Variants in RBPMS observed in about 807,000 individuals in gnomAD.
The protein encoded by RBPMS is RNA-binding protein with multiple splicing.
A neutral mutation model predicts 26.8 loss-of-function variants in RBPMS; 7 were observed. That is an observed-to-expected ratio of 0.26 (90% CI 0.15 to 0.49). The LOEUF (loss-of-function observed/expected upper bound fraction) is 0.49. RBPMS is among the 20% of genes least tolerant of loss of function. The pLI is 0.98. For synonymous variants in RBPMS, 96 were observed against 93.3 expected, an observed-to-expected ratio of 1.03 and a Z score of -0.17; for missense variants, 186 against 250.0, an observed-to-expected ratio of 0.74 and a Z score of 1.73.
intron 5 of RBPMS, among the ~76,000 whole-genome samples, chr8:30,511,271 GC>G (rs1389395944): frequency 1.3e-5 from 2 of 150,894 alleles, no homozygotes; most frequent in African/African-American, 4.9e-5. Flanking sequence ...CTGAGATCGT[GC>G]CACTGCACCC....
At chr8:30,556,128 G>A in intron 6 of RBPMS, 2 of 985,356 alleles carry the variant, frequency 2.0e-6, no homozygotes, top group South Asian at 4.7e-5. Context: ...CAAGCACATA[G>A]TGTCCTAGCC....
chr8:30,549,048 G>A (rs555373415), intron 6 of RBPMS, among the ~76,000 whole-genome samples: 5 of 152,192 alleles, frequency 3.3e-5, no homozygotes, highest in Non-Finnish European at 7.4e-5. Context: ...CCCTCCAGGC[G>A]CATGGGAGGC....
intron 8 of RBPMS, among the ~76,000 whole-genome samples, chr8:30,567,302 G>A (rs1363382100): frequency 6.6e-6 from 1 of 152,240 alleles, no homozygotes; most frequent in Non-Finnish European, 1.5e-5. Context: ...CCCAGGAGCA[G>A]GCATCAGGTG....
chr8:30,483,999 G>A (rs1188435247), intron 4 of RBPMS, among the ~76,000 whole-genome samples: 5 of 152,096 alleles, frequency 3.3e-5, no homozygotes, highest in African/African-American at 7.2e-5. Flanking sequence ...ATTTGTTGGT[G>A]GACACTTAGA....
At chr8:30,409,672 T>C (rs1809065235) in intron 1 of RBPMS, among the ~76,000 whole-genome samples, 1 of 152,114 alleles carries the variant, frequency 6.6e-6, no homozygotes, top group Non-Finnish European at 1.5e-5. Context: ...CTCGCTCTGT[T>C]GCCAGGCTGG....
chr8:30,545,116 TTAAA>T, intron 6 of RBPMS: 1 of 1,331,712 alleles, frequency 7.5e-7, no homozygotes, highest in South Asian at 1.3e-5. Flanking sequence ...CTGTACTTTC[TTAAA>T]TATGTTACAG....
intron 1 of RBPMS, among the ~76,000 whole-genome samples, chr8:30,469,036 A>G (rs1816813265): frequency 6.6e-6 from 1 of 152,220 alleles, no homozygotes; most frequent in Non-Finnish European, 1.5e-5. Flanking sequence ...TTTTATGAAA[A>G]ACTAGAACAT....
intron 1 of RBPMS, 59 bp downstream of exon 1, chr8:30,385,217 C>A: frequency 1.6e-6 from 2 of 1,259,390 alleles, no homozygotes; most frequent in South Asian, 2.0e-5. Context: ...GGGCGGCCGG[C>A]GGGGCGCGGG....
intron 1 of RBPMS, among the ~76,000 whole-genome samples, chr8:30,432,763 C>G (rs902991654): frequency 3.3e-5 from 5 of 151,962 alleles, no homozygotes; most frequent in Non-Finnish European, 7.4e-5. Context: ...TCGATTTATT[C>G]TTTGTTATTG....
At position 30,544,616 on chromosome 8, in the gene RBPMS, C is replaced by T. The variant is rs1487378573; in HGVS notation, c.520C>T (p.His174Tyr). Residue 174 changes from histidine to tyrosine, a missense_variant, in exon 6 of 9, where the codon CAT becomes TAT. His to Tyr is a moderately conservative substitution (Grantham distance 83). Coordinates refer to ENST00000397323, the MANE Select transcript of RBPMS (RefSeq NM_001008710.3). ...TGCTTTCACCTATCCCGCTTCACTG[C>T]ATGCCCAGGTAATTGATACCCATCG... ...PPAFTYPASL[H>Y]AQMRWLPPSE... 6.2e-7 allele frequency: 1 copy of T among 1,614,138 alleles called. No individual in the cohort carries two copies. The highest frequency in any genetic ancestry group is 8.5e-7 in the Non-Finnish European group (1 of 1,180,042).
intron 1 of RBPMS, among the ~76,000 whole-genome samples, chr8:30,445,590 TTCA>T (rs1813633421): frequency 1.3e-5 from 2 of 149,076 alleles, no homozygotes; most frequent in African/African-American, 5.0e-5. Flanking sequence ...TTGCCATTTC[TTCA>T]TCAGTTATCT....
chr8:30,550,935 T>C (rs1826310822), intron 6 of RBPMS, among the ~76,000 whole-genome samples: 1 of 152,230 alleles, frequency 6.6e-6, no homozygotes, highest in East Asian at 1.9e-4. Context: ...CTCACTTTCC[T>C]ATCGGAGAAA....
intron 5 of RBPMS, among the ~76,000 whole-genome samples, chr8:30,542,852 AG>A (rs1429946149): frequency 6.6e-6 from 1 of 152,220 alleles, no homozygotes; most frequent in Admixed American, 6.5e-5. Context: ...AGCCCCTCTG[AG>A]GGTGGTCCCT....
chr8:30,410,822 A>G (rs540130725), intron 1 of RBPMS, among the ~76,000 whole-genome samples: 28 of 150,362 alleles, frequency 1.9e-4, no homozygotes, highest in African/African-American at 6.6e-4. Flanking sequence ...TGCAGCCTCT[A>G]AGTCCCAAGC....
At chr8:30,549,134 C>G (rs989067067) in intron 6 of RBPMS, among the ~76,000 whole-genome samples, 3 of 152,196 alleles carry the variant, frequency 2.0e-5, no homozygotes, top group Admixed American at 6.5e-5. Context: ...TGGTTGGTCC[C>G]ACAGGGAAAC....
Position 30,487,423 on chromosome 8 carries a change from G to C in RBPMS, c.246+8046G>C, listed in dbSNP as rs539387850. Among the ~76,000 whole-genome samples the C allele has an allele frequency of 3.3e-5, 5 of 152,292 alleles. No homozygotes were observed. In the East Asian group the frequency reaches 5.8e-4, roughly 18 times the overall value. On this transcript the variant is annotated intron_variant, in intron 4 of 8. Coordinates refer to ENST00000397323, the MANE Select transcript of RBPMS (RefSeq NM_001008710.3). ...AAACATTTTAAAACCTTAGGGAGTC[G>C]GGTAGGACTTAACCATCTCAAAGAC...
At chr8:30,567,496 G>A (rs1372623320) in intron 8 of RBPMS, among the ~76,000 whole-genome samples, 1 of 152,298 alleles carries the variant, frequency 6.6e-6, no homozygotes, top group East Asian at 1.9e-4. Flanking sequence ...TTTTCCTTTT[G>A]TCAAAGCTCT....
At chr8:30,526,460 G>A (rs1412519451) in intron 5 of RBPMS, among the ~76,000 whole-genome samples, 2 of 152,162 alleles carry the variant, frequency 1.3e-5, no homozygotes, top group Non-Finnish European at 2.9e-5. Context: ...CTACATTTAT[G>A]TAGGACCATT....
At chr8:30,484,946 T>G (rs1818636395) in intron 4 of RBPMS, among the ~76,000 whole-genome samples, 1 of 152,256 alleles carries the variant, frequency 6.6e-6, no homozygotes, top group Non-Finnish European at 1.5e-5. Context: ...ATTAGTTCTA[T>G]ACCAAGTTTC....
Sources: gnomAD v4.1 joint callset for allele counts (sites outside exome capture counted in the v4.1 genomes callset) on GRCh38, gnomAD v4.1.1 for gene constraint, MANE v1.5 for transcripts, NCBI Gene and HGNC (gene_info 2026-07-23, HGNC 2026-07-21) for gene names.